CREB5: variants seen among roughly 807,000 people sequenced by gnomAD.
The protein encoded by CREB5 is cAMP responsive element binding protein 5, also known as cyclic AMP-responsive element-binding protein 5.
In CREB5, 19 loss-of-function variants were observed where a neutral mutation model predicts 57.1. That is an observed-to-expected ratio of 0.33 (90% confidence interval 0.23 to 0.49). CREB5 has a LOEUF of 0.49. Among genes scored for constraint, CREB5 ranks in the 20% least tolerant of loss-of-function variants. The pLI, the probability that CREB5 is intolerant of heterozygous loss-of-function variation, is 0.99. For synonymous variants in CREB5, 238 were observed against 238.3 expected (o/e 1.00, Z 0.01); for missense variants, 579 against 671.6 (o/e 0.86, Z 1.52).
At chr7:28,668,841 A>T (rs1209455856) in intron 5 of CREB5, among the ~76,000 whole-genome samples, 2 of 152,108 alleles carry the variant, frequency 1.3e-5, no homozygotes, top group African/African-American at 4.8e-5. Flanking sequence ...GTTTCATGTC[A>T]AATTCATCAC....
chr7:28,584,681 C>T (rs1212105205), intron 5 of CREB5, among the ~76,000 whole-genome samples: 1 of 151,980 alleles, frequency 6.6e-6, no homozygotes, highest in Admixed American at 6.6e-5. Context: ...GCTTTTAAAC[C>T]ACCCAGTTTG....
intron 5 of CREB5, among the ~76,000 whole-genome samples, chr7:28,714,841 A>G (rs903373901): frequency 6.6e-6 from 1 of 152,206 alleles, no homozygotes; most frequent in African/African-American, 2.4e-5. Flanking sequence ...ACCTTGTTCC[A>G]TGCCTCAATA....
intron 7 of CREB5, among the ~76,000 whole-genome samples, chr7:28,785,196 G>A (rs1807246203): frequency 6.6e-6 from 1 of 152,158 alleles, no homozygotes; most frequent in Admixed American, 6.5e-5. Flanking sequence ...CTCACTCTGT[G>A]GTGTGGAGAC....
intron 1 of CREB5, among the ~76,000 whole-genome samples, chr7:28,388,580 C>A (rs1293445871): frequency 1.3e-5 from 2 of 152,294 alleles, no homozygotes; most frequent in South Asian, 4.1e-4. Context: ...TTTCATCCAG[C>A]ATTTCTAGGT....
chr7:28,771,113 A>C lies in CREB5; in HGVS notation c.703-33086A>C, dbSNP rs560123411. On this transcript the variant is annotated intron_variant, in intron 7 of 10. Transcript: ENST00000357727. Reference sequence around the variant, plus strand: ...AAATAGTGGTAGAGCCAAAAATAAGAGTTTTGCCACTAATTAGTTTCTTTC... The same window carrying C: ...AAATAGTGGTAGAGCCAAAAATAAGCGTTTTGCCACTAATTAGTTTCTTTC... Among the ~76,000 whole-genome samples, 6 of 152,270 alleles carry C rather than the reference A, an allele frequency of 3.9e-5. No homozygotes were observed. The South Asian group carries it at 1.2e-3, about 32-fold the overall frequency.
At position 28,821,789 on chromosome 7, in the gene CREB5, T is replaced by C. The variant is rs565411464; in HGVS notation, c.*2510T>C. On this transcript the variant is annotated 3_prime_UTR_variant, in exon 11 of 11. Coordinates refer to ENST00000357727, the MANE Select transcript of CREB5 (RefSeq NM_182898.4). ...AGAAAGAGTGCATTAAAATGTTTAG[T>C]TGGGTTTTTTAATTTTTAATTTTTA... is the stretch of plus-strand genomic sequence containing the variant. The C allele has an allele frequency of 5.2e-5, 8 of 152,730 alleles. No individual in the cohort carries two copies. Among genetic ancestry groups the C allele is most frequent in the Admixed American group, 1.3e-4 (2 of 15,306 alleles). The allele number at this position is 152,730 out of a possible 1,614,324, so 9.5% of individuals were successfully genotyped here. A position where few individuals can be genotyped will look rare whatever the true frequency, so the allele number is the denominator to read the frequency against.
At chr7:28,410,046 C>A, upstream of CREB5, 1 of 439,078 alleles carries the variant, frequency 2.3e-6, no homozygotes, top group South Asian at 1.6e-5. Context: ...GCGGCGAGGA[C>A]GCCGGGTCAC....
chr7:28,365,070 C>T (rs6966280), intron 1 of CREB5, among the ~76,000 whole-genome samples: 149,095 of 152,258 alleles, frequency 0.98, 73,069 homozygotes, highest in East Asian at 1. Flanking sequence ...AATTACTTTT[C>T]CCTCCATTCC....
intron 5 of CREB5, among the ~76,000 whole-genome samples, chr7:28,658,988 TAA>T (rs1157825271): frequency 1.4e-5 from 2 of 144,298 alleles, no homozygotes; most frequent in African/African-American, 5.0e-5. Context: ...TATGTATATA[TAA>T]GTCATAATTT....
rs73075826 is a variant in CREB5, at chr7:28,448,563, A to G, written c.3+35646A>G. Among the ~76,000 whole-genome samples, 930 of 152,080 alleles carry G rather than the reference A, an allele frequency of 6.1e-3. 5 individuals are homozygous for G. Among genetic ancestry groups the G allele is most frequent in the Middle Eastern group, 0.02 (6 of 294 alleles). The stretch of plus-strand genomic sequence containing the variant: ...GTGGGCTTGGCTGTTGGATTTAACT[A>G]CTCTCTTCATATGTTCTCTGAAGGA... On this transcript the variant is annotated intron_variant, in intron 1 of 10. Coordinates refer to ENST00000357727, the MANE Select transcript of CREB5 (RefSeq NM_182898.4).
intron 1 of CREB5, among the ~76,000 whole-genome samples, chr7:28,372,183 A>G (rs113906030): frequency 3.3e-5 from 5 of 152,352 alleles, no homozygotes; most frequent in African/African-American, 9.6e-5. Flanking sequence ...AGATTGATTG[A>G]TGATTTAAAG....
At chr7:28,317,420 T>C (rs999183229) in intron 1 of CREB5, among the ~76,000 whole-genome samples, 3 of 152,202 alleles carry the variant, frequency 2.0e-5, no homozygotes, top group Non-Finnish European at 4.4e-5. Flanking sequence ...AAACACACTT[T>C]GAGTGGGCAG....
At chr7:28,701,723 A>C (rs1179599196) in intron 5 of CREB5, among the ~76,000 whole-genome samples, 1 of 152,246 alleles carries the variant, frequency 6.6e-6, no homozygotes, top group Non-Finnish European at 1.5e-5. Context: ...GTAATGGATA[A>C]ATTGGAGCAT....
At chr7:28,595,511 T>G (rs1183961172) in intron 5 of CREB5, among the ~76,000 whole-genome samples, 1 of 152,220 alleles carries the variant, frequency 6.6e-6, no homozygotes, top group East Asian at 1.9e-4. Flanking sequence ...AGTCCCATGG[T>G]GCACCCCTTT....
At chr7:28,464,185 G>C (rs926937737) in intron 1 of CREB5, among the ~76,000 whole-genome samples, 3 of 152,138 alleles carry the variant, frequency 2.0e-5, no homozygotes, top group Non-Finnish European at 4.4e-5. Flanking sequence ...AATCCCACAT[G>C]GTCATGGTAT....
At position 28,775,309 on chromosome 7, in the gene CREB5, C is replaced by T. The variant is rs1160963218; in HGVS notation, c.703-28890C>T. On this transcript the variant is annotated intron_variant, in intron 7 of 10. Transcript: ENST00000357727. ...CTCCTAGAAGTCCTCTCTGATTCCCCGCCTCACCTAATAGAAATTGACCTA... is the reference window on the plus strand; with the variant it reads ...CTCCTAGAAGTCCTCTCTGATTCCCTGCCTCACCTAATAGAAATTGACCTA... Among the ~76,000 whole-genome samples the T allele has an allele frequency of 4.6e-5, 7 of 151,928 alleles. No homozygotes were observed. The South Asian group carries it at 6.2e-4, about 14-fold the overall frequency.
chr7:28,360,878 T>A (rs1786461628), intron 1 of CREB5, among the ~76,000 whole-genome samples: 1 of 152,160 alleles, frequency 6.6e-6, no homozygotes, highest in Non-Finnish European at 1.5e-5. Context: ...TTTTTGTCAG[T>A]GATTCTCCAC....
intron 1 of CREB5, among the ~76,000 whole-genome samples, chr7:28,380,467 C>T (rs953058113): frequency 6.6e-6 from 1 of 152,102 alleles, no homozygotes; most frequent in East Asian, 1.9e-4. Flanking sequence ...TAGATTGCTG[C>T]AAAGAAACAA....
Position 28,806,997 on chromosome 7 carries a change from A to G in CREB5, c.1027-2190A>G, listed in dbSNP as rs552246994. 3.9e-5 allele frequency among the ~76,000 whole-genome samples: 6 copies of G among 152,354 alleles called. No individual in the cohort carries two copies. In the South Asian group the frequency reaches 1.2e-3, roughly 32 times the overall value. ...TTTCTTTGCAGTAGTTAGCTCAGGAATTAGCATCTGGAATGACAAGTGCTA... is the reference window on the plus strand; with the variant it reads ...TTTCTTTGCAGTAGTTAGCTCAGGAGTTAGCATCTGGAATGACAAGTGCTA... On this transcript the variant is annotated intron_variant, in intron 8 of 10. Transcript: ENST00000357727.
Sources: allele counts gnomAD v4.1 joint callset (sites outside exome capture counted in the v4.1 genomes callset), GRCh38; gene constraint gnomAD v4.1.1; transcripts MANE v1.5; gene names NCBI Gene and HGNC (gene_info 2026-07-23, HGNC 2026-07-21).